Variants in KIF21A observed in about 807,000 individuals in gnomAD.
KIF21A encodes the protein kinesin family member 21A.
A neutral mutation model predicts 202.9 loss-of-function variants in KIF21A; 114 were observed. The ratio of observed to expected loss-of-function variants is 0.56; its 90% CI spans 0.48 to 0.66. KIF21A has a LOEUF of 0.66. KIF21A is among the 30% of genes least tolerant of loss of function. The pLI, the probability that KIF21A is intolerant of heterozygous loss-of-function variation, is 0.00. For missense variants in KIF21A, 1,677 were observed against 1,994.9 expected, an observed-to-expected ratio of 0.84 and a Z score of 3.04; for synonymous variants, 667 against 670.8, an observed-to-expected ratio of 0.99 and a Z score of 0.09.
At chr12:39,404,177 G>T (rs575328950) in intron 1 of KIF21A, among the ~76,000 whole-genome samples, 1 of 152,102 alleles carries the variant, frequency 6.6e-6, no homozygotes, top group African/African-American at 2.4e-5. Flanking sequence ...ACCTCCAAGT[G>T]CACTGCTGCC....
At chr12:39,361,510 A>C (rs1949207077) in intron 7 of KIF21A, among the ~76,000 whole-genome samples, 1 of 150,078 alleles carries the variant, frequency 6.7e-6, no homozygotes, top group South Asian at 2.1e-4. Flanking sequence ...TCTACAAAAC[A>C]GAACTTTCTT....
intron 21 of KIF21A, 22 bp downstream of exon 21, chr12:39,332,192 C>T (rs78344304): frequency 3.6e-5 from 57 of 1,603,462 alleles, no homozygotes; most frequent in Admixed American, 6.7e-5. Flanking sequence ...TAAACCATTA[C>T]GCTTTTTTAA....
intron 16 of KIF21A, among the ~76,000 whole-genome samples, chr12:39,337,786 C>T (rs1371154116): frequency 6.6e-6 from 1 of 152,094 alleles, no homozygotes; most frequent in Non-Finnish European, 1.5e-5. Flanking sequence ...TATAGTGGAG[C>T]TAAAAAATTC....
Position 39,341,066 on chromosome 12 carries a change from A to T in KIF21A, c.1950T>A (p.Ile650=). 1.9e-6 allele frequency: 3 copies of T among 1,609,420 alleles called. No homozygotes were observed. In the South Asian group the frequency reaches 3.3e-5, roughly 18 times the overall value. Residue 650 remains isoleucine, a synonymous_variant, in exon 15 of 38, where the codon ATT becomes ATA. Coordinates refer to ENST00000361418, the MANE Select transcript of KIF21A (RefSeq NM_001173464.2). ...TTTGCTTAATTGCAATTTCACAAGT[A>T]ATGTTTGCCAAGTCTGCTTGATAAT... The part of the protein sequence containing the change: ...KANYQADLAN[I]TCEIAIKQKL...
intron 7 of KIF21A, among the ~76,000 whole-genome samples, chr12:39,360,782 G>A (rs769507136): frequency 6.6e-6 from 1 of 152,100 alleles, no homozygotes; most frequent in Non-Finnish European, 1.5e-5. Context: ...ATTAAACACT[G>A]TAAATGTAAA....
At chr12:39,296,624 G>T (rs898356271) in intron 37 of KIF21A, among the ~76,000 whole-genome samples, 7 of 152,196 alleles carry the variant, frequency 4.6e-5, no homozygotes, top group Non-Finnish European at 8.8e-5. Context: ...TACTGAGGAA[G>T]AAAGACTTGC....
Position 39,301,614 on chromosome 12 carries a change from C to T in KIF21A, c.4797G>A (p.Leu1599=). Residue 1599 remains leucine, a synonymous_variant, in exon 37 of 38, where the codon TTG becomes TTA. Coordinates refer to ENST00000361418, the MANE Select transcript of KIF21A (RefSeq NM_001173464.2). The part of the protein sequence containing the change: ...ALGVVPDHPV[L]LSGCRGGILK... ...AAATGCCCCCTCTGCAGCCACTGAG[C>T]AAAACTGGGTGGTCTGGCACCACTC... The T allele has an allele frequency of 6.2e-7, 1 of 1,614,078 alleles. No homozygotes were observed. Among genetic ancestry groups the T allele is most frequent in the Non-Finnish European group, 8.5e-7 (1 of 1,180,000 alleles).
chr12:39,351,688 A>C, intron 11 of KIF21A, 89 bp downstream of exon 11: 2 of 775,448 alleles, frequency 2.6e-6, no homozygotes, highest in Non-Finnish European at 2.2e-6. Flanking sequence ...TAAGGTACTC[A>C]TGAGACTATG....
chr12:39,436,608 C>T (rs905894204), intron 1 of KIF21A, among the ~76,000 whole-genome samples: 39 of 143,364 alleles, frequency 2.7e-4, no homozygotes, highest in African/African-American at 8.9e-4. Context: ...CACACCACAA[C>T]GCCAGCTTTA....
chr12:39,420,386 G>A (rs1954153813), intron 1 of KIF21A, among the ~76,000 whole-genome samples: 3 of 152,210 alleles, frequency 2.0e-5, no homozygotes, highest in South Asian at 4.1e-4. Flanking sequence ...CTGCCCTCAG[G>A]AGGCTTTACA....
rs1335986392 is a variant in KIF21A, at chr12:39,443,002, C to A, written c.-32G>T. ...GGCGGGCAGCGATCGAGCCGTTGGG[C>A]CTCGGCACCGCAGAGCTGAGGCGCC... On this transcript the variant is annotated 5_prime_UTR_variant, in exon 1 of 38. Coordinates refer to ENST00000361418, the MANE Select transcript of KIF21A (RefSeq NM_001173464.2). 2.4e-5 allele frequency: 37 copies of A among 1,515,338 alleles called. No homozygotes were observed. The highest frequency in any genetic ancestry group is 3.2e-5 in the Non-Finnish European group (37 of 1,139,060). The allele number at this position is 1,515,338 out of a possible 1,614,324, so 93.9% of individuals were successfully genotyped here.
intron 10 of KIF21A, among the ~76,000 whole-genome samples, chr12:39,353,795 A>C (rs1948575134): frequency 6.6e-6 from 1 of 152,206 alleles, no homozygotes; most frequent in Non-Finnish European, 1.5e-5. Flanking sequence ...TTACCTCCAC[A>C]AACTCCACAT....
intron 1 of KIF21A, among the ~76,000 whole-genome samples, chr12:39,401,947 G>A (rs1415257222): frequency 6.6e-6 from 1 of 152,132 alleles, no homozygotes. Flanking sequence ...GTTACAAGTT[G>A]CAAATATGCA....
At chr12:39,438,061 T>C (rs1001208835) in intron 1 of KIF21A, among the ~76,000 whole-genome samples, 8 of 152,164 alleles carry the variant, frequency 5.3e-5, no homozygotes, top group African/African-American at 1.4e-4. Context: ...AAACCTGAGT[T>C]TGAGTTCCAA....
intron 1 of KIF21A, among the ~76,000 whole-genome samples, chr12:39,375,408 AC>A (rs745507793): frequency 1.1e-4 from 17 of 152,136 alleles, no homozygotes; most frequent in Non-Finnish European, 2.2e-4. Context: ...AGAATGCAAG[AC>A]CCAGACTGCT....
In KIF21A at chr12:39,315,251, T is replaced by A; in HGVS notation, c.3948-11A>T. ...TACCTTCTGGAGGATCTGCTGATGA[T>A]CAGCAAAAATGGCCATAAAACAAGG... On this transcript the variant is annotated splice_polypyrimidine_tract_variant and intron_variant, in intron 30 of 37. Coordinates refer to ENST00000361418, the MANE Select transcript of KIF21A (RefSeq NM_001173464.2). The A allele has an allele frequency of 6.2e-7, 1 of 1,611,440 alleles. No individual in the cohort carries two copies. The highest frequency in any genetic ancestry group is 2.2e-5 in the East Asian group (1 of 44,742).
chr12:39,335,949 T>C (rs924485643), intron 17 of KIF21A, among the ~76,000 whole-genome samples: 4 of 152,190 alleles, frequency 2.6e-5, no homozygotes, highest in African/African-American at 9.7e-5. Context: ...CCTTTCCTCT[T>C]TACATTCCAA....
intron 11 of KIF21A, among the ~76,000 whole-genome samples, chr12:39,348,442 T>C (rs1948090922): frequency 6.6e-6 from 1 of 152,042 alleles, no homozygotes; most frequent in Non-Finnish European, 1.5e-5. Flanking sequence ...CCTCACATAT[T>C]AGCTATTAGT....
chr12:39,309,363 C>T (rs1276778884), intron 33 of KIF21A, among the ~76,000 whole-genome samples: 2 of 151,906 alleles, frequency 1.3e-5, no homozygotes, highest in Non-Finnish European at 1.5e-5. Flanking sequence ...TCAAATATGG[C>T]TTATCCCTTT....
Sources: gnomAD v4.1 joint callset for allele counts (sites outside exome capture counted in the v4.1 genomes callset) on GRCh38, gnomAD v4.1.1 for gene constraint, MANE v1.5 for transcripts, NCBI Gene and HGNC (gene_info 2026-07-23, HGNC 2026-07-21) for gene names.